Variants in WDR7 observed in about 807,000 individuals in gnomAD.
The protein encoded by WDR7 is WD repeat domain 7.
In WDR7, 46 loss-of-function variants were observed where a neutral mutation model predicts 169.4. That is an observed-to-expected ratio of 0.27 (90% CI 0.21 to 0.35). WDR7 has a LOEUF of 0.35. Ranked by LOEUF, WDR7 falls within the 10% of genes least tolerant of loss-of-function variation. The probability of loss-of-function intolerance (pLI) is 1.00; values close to 1 mark genes in which losing one functional copy is unlikely to be tolerated. For missense variants in WDR7, 1,534 were observed against 1,859.3 expected (o/e 0.83, Z 3.22); for synonymous variants, 612 against 666.8 (o/e 0.92, Z 1.27).
At chr18:56,662,233 T>C (rs2024919613) in intron 1 of WDR7, among the ~76,000 whole-genome samples, 1 of 152,248 alleles carries the variant, frequency 6.6e-6, no homozygotes, top group South Asian at 2.1e-4. Context: ...ACATATTGAC[T>C]ATCCTGTGAA....
chr18:56,784,832 A>G (rs910171013), intron 19 of WDR7, among the ~76,000 whole-genome samples: 2 of 151,240 alleles, frequency 1.3e-5, no homozygotes, highest in African/African-American at 4.8e-5. Flanking sequence ...AGTCTTTTGT[A>G]TTTGATTATA....
At chr18:56,696,029 A>C (rs1400844005) in intron 11 of WDR7, among the ~76,000 whole-genome samples, 1 of 152,214 alleles carries the variant, frequency 6.6e-6, no homozygotes, top group African/African-American at 2.4e-5. Context: ...AATTCACAGC[A>C]CATAGGAATC....
At chr18:56,761,717 T>C (rs1022412644) in intron 16 of WDR7, among the ~76,000 whole-genome samples, 4 of 151,756 alleles carry the variant, frequency 2.6e-5, no homozygotes, top group African/African-American at 9.7e-5. Flanking sequence ...ATATATAACA[T>C]ATATATCTAA....
chr18:56,918,985 A>G (rs2046670799), intron 21 of WDR7, among the ~76,000 whole-genome samples: 1 of 152,268 alleles, frequency 6.6e-6, no homozygotes, highest in African/African-American at 2.4e-5. Context: ...AATAGCTTTA[A>G]GCAATAGAAT....
chr18:56,786,931 T>C (rs1042911380), intron 19 of WDR7, among the ~76,000 whole-genome samples: 4 of 151,628 alleles, frequency 2.6e-5, no homozygotes, highest in Admixed American at 2.0e-4. Context: ...TTAAAAGTAG[T>C]GGCAAAAACC....
intron 19 of WDR7, among the ~76,000 whole-genome samples, chr18:56,793,175 G>A (rs1221051484): frequency 1.3e-5 from 2 of 152,146 alleles, no homozygotes; most frequent in Non-Finnish European, 1.5e-5. Context: ...CCCTGAATGC[G>A]CCTGATCTTA....
At chr18:56,688,466 C>G (rs992579015) in intron 7 of WDR7, among the ~76,000 whole-genome samples, 2 of 151,816 alleles carry the variant, frequency 1.3e-5, no homozygotes, top group Admixed American at 6.6e-5. Flanking sequence ...GCCTGTAATC[C>G]CAGCACTTTG....
intron 20 of WDR7, among the ~76,000 whole-genome samples, chr18:56,841,666 G>A (rs1351749827): frequency 6.6e-6 from 1 of 152,030 alleles, no homozygotes; most frequent in East Asian, 1.9e-4. Flanking sequence ...ACATAACTCT[G>A]TTGAATTACT....
At chr18:56,803,391 T>A (rs1054068619) in intron 19 of WDR7, among the ~76,000 whole-genome samples, 21 of 152,202 alleles carry the variant, frequency 1.4e-4, no homozygotes, top group African/African-American at 4.8e-4. Flanking sequence ...TATTTGTGTG[T>A]TTGTGTGTGT....
At chr18:56,862,392 TTTTA>T (rs1599109593) in intron 20 of WDR7, among the ~76,000 whole-genome samples, 3 of 151,498 alleles carry the variant, frequency 2.0e-5, no homozygotes, top group Admixed American at 2.0e-4. Context: ...CTCTTGTGTT[TTTTA>T]TTTATCTTAA....
intron 19 of WDR7, among the ~76,000 whole-genome samples, chr18:56,786,101 G>T (rs2044395474): frequency 6.6e-6 from 1 of 151,930 alleles, no homozygotes. Context: ...TCTCTTTATT[G>T]CCACTGCCTC....
chr18:56,964,289 A>G (rs1213904350), intron 26 of WDR7, among the ~76,000 whole-genome samples: 1 of 152,108 alleles, frequency 6.6e-6, no homozygotes, highest in Admixed American at 6.6e-5. Flanking sequence ...TATCAAAAAG[A>G]CATTCTTTCT....
rs1943016 is a variant in WDR7, at chr18:56,686,843, C to T, written c.598-12C>T. On this transcript the variant is annotated splice_polypyrimidine_tract_variant and intron_variant, in intron 6 of 27. Transcript: ENST00000254442. ...ATGCTATTCCTAAATTTTTACAAAT[C>T]TTTCTTTTCAGGATACTGAGCCAAT... 1,320,770 of 1,554,734 alleles carry T rather than the reference C, an allele frequency of 0.85. 567,706 individuals carry two copies. The highest frequency in any genetic ancestry group is 0.96 in the East Asian group (42,867 of 44,524).
intron 26 of WDR7, among the ~76,000 whole-genome samples, chr18:56,965,257 GA>G (rs1449029336): frequency 4.6e-5 from 7 of 152,102 alleles, no homozygotes; most frequent in Admixed American, 4.6e-4. Context: ...TAGATTGGGG[GA>G]ATCACACTGA....
chr18:56,656,261 G>C (rs925845123), intron 1 of WDR7, among the ~76,000 whole-genome samples: 1 of 150,984 alleles, frequency 6.6e-6, no homozygotes, highest in Non-Finnish European at 1.5e-5. Flanking sequence ...TCTTCCACTA[G>C]CATTTGATAC....
intron 22 of WDR7, among the ~76,000 whole-genome samples, chr18:56,935,527 T>C (rs1457985910): frequency 6.6e-6 from 1 of 152,262 alleles, no homozygotes; most frequent in Non-Finnish European, 1.5e-5. Flanking sequence ...TAGTTCTTGA[T>C]AATTTGTTAA....
intron 1 of WDR7, among the ~76,000 whole-genome samples, chr18:56,664,786 G>A (rs531669808): frequency 1.3e-5 from 2 of 152,138 alleles, no homozygotes; most frequent in Non-Finnish European, 2.9e-5. Flanking sequence ...GAGAAACATA[G>A]GCTGTACAAA....
At chr18:56,764,564 C>T (rs1488061228) in intron 16 of WDR7, among the ~76,000 whole-genome samples, 1 of 152,048 alleles carries the variant, frequency 6.6e-6, no homozygotes, top group Non-Finnish European at 1.5e-5. Flanking sequence ...CTTAAAATTA[C>T]TCCCTCAGCA....
At position 56,679,458 on chromosome 18, in the gene WDR7, CCT is replaced by C; in HGVS notation, c.266+23_266+24del. 6.4e-7 allele frequency: 1 copy of C among 1,570,152 alleles called. No homozygotes were observed. The highest frequency in any genetic ancestry group is 1.1e-5 in the South Asian group (1 of 88,480). On this transcript the variant is annotated intron_variant, in intron 3 of 27. Transcript: ENST00000254442. ...AAGTGGGTAAGTATTTTCTCATTTG[CCT>C]CTTTTTCTCATGAGTCTTTATAACT...
Sources: gnomAD v4.1 joint callset for allele counts (sites outside exome capture counted in the v4.1 genomes callset) on GRCh38, gnomAD v4.1.1 for gene constraint, MANE v1.5 for transcripts, NCBI Gene and HGNC (gene_info 2026-07-23, HGNC 2026-07-21) for gene names.